The following TMEM184B variants were observed in gnomAD, a reference collection of about 807,000 sequenced individuals.
The protein encoded by TMEM184B is transmembrane protein 184B, also known as putative MAPK-activating protein FM08.
A neutral mutation model predicts 41.8 loss-of-function variants in TMEM184B; 17 were observed. That is an observed-to-expected ratio of 0.41 (90% CI 0.28 to 0.61). The LOEUF is 0.61. Ranked by LOEUF, TMEM184B falls within the 20% of genes least tolerant of loss-of-function variation. The probability of loss-of-function intolerance (pLI) is 0.34; values close to 1 mark genes in which losing one functional copy is unlikely to be tolerated. For missense variants in TMEM184B, 393 were observed against 557.8 expected (o/e 0.70, Z 2.98); for synonymous variants, 240 against 229.5 (o/e 1.05, Z -0.41).
At chr22:38,230,287 C>A (rs1319456419) in intron 5 of TMEM184B, among the ~76,000 whole-genome samples, 1 of 152,248 alleles carries the variant, frequency 6.6e-6, no homozygotes, top group Non-Finnish European at 1.5e-5. Flanking sequence ...ACGGCAGAGG[C>A]CTGTTCTGGC....
At chr22:38,241,905 A>AAAAAAAAAAAAAAAAAAC in intron 3 of TMEM184B, among the ~76,000 whole-genome samples, 1 of 150,294 alleles carries the variant, frequency 6.7e-6, no homozygotes, top group Non-Finnish European at 1.5e-5. Context: ...AAAAAAAAAA[A>AAAAAAAAAAAAAAAAAAC]AAGAACGAGA....
intron 3 of TMEM184B, among the ~76,000 whole-genome samples, chr22:38,243,970 G>C (rs1361361609): frequency 2.0e-5 from 3 of 152,096 alleles, no homozygotes; most frequent in Non-Finnish European, 2.9e-5. Flanking sequence ...GCGGGGAACA[G>C]ACGGATGGAA....
At chr22:38,246,198 C>T (rs1032371725) in intron 2 of TMEM184B, 98 bp from the exon 3 acceptor site, 8 of 1,434,040 alleles carry the variant, frequency 5.6e-6, no homozygotes, top group African/African-American at 2.8e-5. Flanking sequence ...ATCTGTGACC[C>T]GATGCACGTG....
intron 1 of TMEM184B, chr22:38,272,561 T>G: frequency 1.0e-6 from 1 of 985,742 alleles, no homozygotes; most frequent in South Asian, 4.7e-5. Flanking sequence ...CAAAGCGCCT[T>G]GGTCCATCCG....
In TMEM184B at chr22:38,220,942, C is replaced by T. The variant is rs2091239716; in HGVS notation, c.*527G>A. 1 of 988,182 alleles carries T rather than the reference C, an allele frequency of 1.0e-6. No individual in the cohort carries two copies. Among genetic ancestry groups the T allele is most frequent in the African/African-American group, 1.7e-5 (1 of 57,264 alleles). 61.2% of individuals were successfully genotyped at this position (988,182 alleles called of 1,614,324 possible). ...AGAGGCCTGGGTCAGGAGGGGAGGACCACAGAGCGCCCACATCCCCACTCC... is the reference window on the plus strand; with the variant it reads ...AGAGGCCTGGGTCAGGAGGGGAGGATCACAGAGCGCCCACATCCCCACTCC... On this transcript the variant is annotated 3_prime_UTR_variant, in exon 9 of 9. Coordinates refer to ENST00000361906, the MANE Select transcript of TMEM184B (RefSeq NM_012264.5).
chr22:38,222,800 C>T, intron 8 of TMEM184B: 2 of 783,122 alleles, frequency 2.6e-6, no homozygotes, highest in Non-Finnish European at 3.1e-6. Flanking sequence ...ACACCACACA[C>T]CCTGTCCCCA....
At chr22:38,221,922 G>A in intron 8 of TMEM184B, 1 of 687,372 alleles carries the variant, frequency 1.5e-6, no homozygotes, top group Non-Finnish European at 2.4e-6. Flanking sequence ...AGGGGAGGCT[G>A]GACTGTGAAG....
rs1158362109 is a variant in TMEM184B, at chr22:38,221,416, G to A, written c.*53C>T. ...GCCTGGTGGTGAGGCTGGAGGTGGG[G>A]CACAGCCTGACCGTGGCTATGGCGC... is the stretch of plus-strand genomic sequence containing the variant. On this transcript the variant is annotated 3_prime_UTR_variant, in exon 9 of 9. Coordinates refer to ENST00000361906, the MANE Select transcript of TMEM184B (RefSeq NM_012264.5). 1.9e-6 allele frequency: 3 copies of A among 1,546,156 alleles called. No homozygotes were observed. The highest frequency in any genetic ancestry group is 1.2e-5 in the South Asian group (1 of 80,886).
At position 38,220,974 on chromosome 22, in the gene TMEM184B, G is replaced by T. The variant is rs994689281; in HGVS notation, c.*495C>A. 1.0e-6 allele frequency: 1 copy of T among 990,794 alleles called. No homozygotes were observed. 61.4% of individuals were successfully genotyped at this position (990,794 alleles called of 1,614,324 possible). ...GCGCCCACATCCCCACTCCTGCCCG[G>T]GGTGAGGTGAATCTAGCACTGGACA... On this transcript the variant is annotated 3_prime_UTR_variant, in exon 9 of 9. Transcript: ENST00000361906.
intron 8 of TMEM184B, 38 bp downstream of exon 8, chr22:38,224,747 T>C: frequency 6.5e-7 from 1 of 1,531,926 alleles, no homozygotes; most frequent in Non-Finnish European, 8.8e-7. Context: ...GGCTCCCTGC[T>C]TCTCCCAGCG....
At chr22:38,253,247 G>A (rs191542703) in intron 1 of TMEM184B, among the ~76,000 whole-genome samples, 2 of 152,238 alleles carry the variant, frequency 1.3e-5, no homozygotes, top group Non-Finnish European at 2.9e-5. Flanking sequence ...AGGCTAACCT[G>A]ATCAACACTG....
rs1001227287 is a variant in TMEM184B at position 38,224,945 on chromosome 22, G to A, written c.822C>T (p.Ala274=). 1 of 1,597,592 alleles carries A rather than the reference G, an allele frequency of 6.3e-7. No individual in the cohort carries two copies. The highest frequency in any genetic ancestry group is 8.5e-7 in the Non-Finnish European group (1 of 1,171,754). The change falls in exon 8 of 9, where the codon GCC becomes GCT. Residue 274 remains alanine, a synonymous_variant. Transcript: ENST00000361906. ...CGCGGGCCGAGTGGATTTTGGGGAT[G>A]GCCCCACACTTCTCCAGGATGGCCA... ...MLLAILEKCG[A]IPKIHSARVS... is the part of the protein sequence containing the mutation.
intron 1 of TMEM184B, among the ~76,000 whole-genome samples, chr22:38,252,262 T>C (rs2092181995): frequency 1.3e-5 from 2 of 152,070 alleles, no homozygotes; most frequent in South Asian, 4.1e-4. Flanking sequence ...GGTTTTACCA[T>C]GTTACTCACG....
chr22:38,240,392 AC>A (rs963104029), intron 3 of TMEM184B, among the ~76,000 whole-genome samples: 1 of 152,120 alleles, frequency 6.6e-6, no homozygotes, highest in African/African-American at 2.4e-5. Context: ...GATTAAAAAA[AC>A]AAACAATCAA....
intron 3 of TMEM184B, among the ~76,000 whole-genome samples, chr22:38,240,795 A>C (rs1469726442): frequency 6.6e-6 from 1 of 152,006 alleles, no homozygotes; most frequent in East Asian, 1.9e-4. Flanking sequence ...ACTAGGGATC[A>C]AATACAGCAG....
Position 38,220,297 on chromosome 22 carries a change from C to T in TMEM184B, c.*1172G>A, listed in dbSNP as rs898241196. On this transcript the variant is annotated 3_prime_UTR_variant, in exon 9 of 9. Transcript: ENST00000361906. ...CTGGGCCCAGCACTGCAGGATCCTG[C>T]GAGTGCCAGCAGCTGAACTAAGAGC... 1.0e-5 allele frequency: 10 copies of T among 985,898 alleles called. No individual in the cohort carries two copies. In the African/African-American group the frequency reaches 1.0e-4, roughly 10 times the overall value. The allele number at this position is 985,898 out of a possible 1,614,324, so 61.1% of individuals were successfully genotyped here.
chr22:38,231,364 T>A, intron 3 of TMEM184B, 30 bp from the exon 4 acceptor site: 1 of 1,573,656 alleles, frequency 6.4e-7, no homozygotes, highest in Non-Finnish European at 8.7e-7. Context: ...GAGAAACCAG[T>A]CAAATCAGCA....
chr22:38,234,576 G>T (rs2145619318), intron 3 of TMEM184B, among the ~76,000 whole-genome samples: 1 of 152,296 alleles, frequency 6.6e-6, no homozygotes, highest in East Asian at 1.9e-4. Flanking sequence ...ATGGTAAGTG[G>T]AATACAGATA....
rs565955484 is a variant in TMEM184B at position 38,266,387 on chromosome 22, G to A, written c.-59+6497C>T. On this transcript the variant is annotated intron_variant, in intron 1 of 8. Transcript: ENST00000361906. ...CCTGTGAGGTGGGCAGACAGGGTAC[G>A]AATAGCGCCCCTTGCCTTAGCAGGA... 5.3e-5 allele frequency among the ~76,000 whole-genome samples: 8 copies of A among 152,360 alleles called. No individual in the cohort carries two copies. The South Asian group carries it at 8.3e-4, about 16-fold the overall frequency.
Sources: allele counts gnomAD v4.1 joint callset (sites outside exome capture counted in the v4.1 genomes callset), GRCh38; gene constraint gnomAD v4.1.1; transcripts MANE v1.5; gene names NCBI Gene and HGNC (gene_info 2026-07-23, HGNC 2026-07-21).